FMO1: variants seen among roughly 807,000 people sequenced by gnomAD.
The protein encoded by FMO1 is flavin containing dimethylaniline monoxygenase 1.
Under a neutral mutation model 45.4 loss-of-function variants are expected in FMO1, and 36 were observed. The ratio of observed to expected loss-of-function variants is 0.79; its 90% CI spans 0.61 to 1.05. The LOEUF (loss-of-function observed/expected upper bound fraction) is 1.05. Ranked by LOEUF, FMO1 falls within the 50% of genes least tolerant of loss-of-function variation. FMO1 has a pLI of 0.00. For synonymous variants in FMO1, 228 were observed against 227.2 expected (o/e 1.00, Z -0.03); for missense variants, 615 against 640.3 (o/e 0.96, Z 0.43).
intron 1 of FMO1, among the ~76,000 whole-genome samples, chr1:171,256,200 G>A (rs546397844): frequency 6.2e-5 from 9 of 145,492 alleles, no homozygotes; most frequent in Non-Finnish European, 1.4e-4. Context: ...GTGAACCTAG[G>A]AGGCAGAGCT....
chr1:171,253,757 A>G (rs1660012160), intron 1 of FMO1: 1 of 152,230 alleles, frequency 6.6e-6, no homozygotes, highest in African/African-American at 2.4e-5. Context: ...GTGAAACTCC[A>G]TCTCAAAAAT....
intron 1 of FMO1, among the ~76,000 whole-genome samples, chr1:171,250,808 G>A (rs1659852940): frequency 6.6e-6 from 1 of 151,402 alleles, no homozygotes; most frequent in South Asian, 2.1e-4. Flanking sequence ...TTTATATTTA[G>A]TCAGCTTTAC....
Position 171,274,135 on chromosome 1 carries a change from C to T in FMO1, c.322-1211C>T, listed in dbSNP as rs192954527. Among the ~76,000 whole-genome samples, 1,013 of 135,488 alleles carry T rather than the reference C, an allele frequency of 7.5e-3. 14 individuals are homozygous for T. Among genetic ancestry groups the T allele is most frequent in the African/African-American group, 0.027 (953 of 34,810 alleles). 88.9% of individuals were successfully genotyped at this position (135,488 alleles called of 152,430 possible). On this transcript the variant is annotated intron_variant, in intron 3 of 8. Transcript: ENST00000617670. ...CTGCACTCCAGCCTGGGCAACAGAG[C>T]GAGACTCCATCTCAAAAAAAAAAAA...
At position 171,278,814 on chromosome 1, in the gene FMO1, T is replaced by C. The variant is rs770751927; in HGVS notation, c.570T>C (p.Ile190=). The change falls in exon 5 of 9, where the codon ATT becomes ATC. Residue 190 remains isoleucine (I), a synonymous_variant. Coordinates refer to ENST00000617670, the MANE Select transcript of FMO1 (RefSeq NM_001282693.2). The stretch of plus-strand genomic sequence containing the variant: ...TTAAGGACAAGAGAGTCCTTGTGAT[T>C]GGAATGGGAAATTCTGGCACAGACA... ...DIFKDKRVLV[I]GMGNSGTDIA... is the part of the protein sequence containing the mutation. 7 of 1,613,078 alleles carry C rather than the reference T, an allele frequency of 4.3e-6. No homozygotes were observed. Among genetic ancestry groups the C allele is most frequent in the Middle Eastern group, 3.3e-4 (2 of 6,080 alleles).
In FMO1 at chr1:171,282,292, C is replaced by T. The variant is rs1661393587; in HGVS notation, c.1142C>T (p.Thr381Ile). The T allele has an allele frequency of 6.2e-7, 1 of 1,613,566 alleles. No homozygotes were observed. Among genetic ancestry groups the T allele is most frequent in the Non-Finnish European group, 8.5e-7 (1 of 1,179,684 alleles). ...LIKPLGSMIP[T>I]GETQARWAVR... is the part of the protein sequence containing the mutation. ...AAACCCTTGGGCTCCATGATACCTA[C>T]AGGAGAAACACAAGCTCGGTGGGCT... The change falls in exon 7 of 9, where the codon ACA (threonine) becomes ATA (isoleucine). Residue 381 changes from threonine (T) to isoleucine (I), a missense_variant. Transcript: ENST00000617670.
Position 171,282,310 on chromosome 1 carries a change from G to A in FMO1, c.1160G>A (p.Arg387Gln), listed in dbSNP as rs865952303. ...SMIPTGETQA[R>Q]WAVRVLKGVN... ...ATACCTACAGGAGAAACACAAGCTC[G>A]GTGGGCTGTTCGAGTCCTGAAAGGT... The change falls in exon 7 of 9, where the codon CGG becomes CAG. Residue 387 changes from arginine to glutamine, a missense_variant. By Grantham distance (43) the Arg-to-Gln change is conservative. Coordinates refer to ENST00000617670, the MANE Select transcript of FMO1 (RefSeq NM_001282693.2). 8.1e-6 allele frequency: 13 copies of A among 1,611,484 alleles called. No homozygotes were observed. The highest frequency in any genetic ancestry group is 1.7e-5 in the Admixed American group (1 of 59,836).
At position 171,278,796 on chromosome 1, in the gene FMO1, CA is replaced by C. The variant is rs1230330199; in HGVS notation, c.554del (p.Lys185ArgfsTer5). Reference sequence around the variant, plus strand: ...ATAAGCATCCAGATATATTTAAGGACAAGAGAGTCCTTGTGATTGGAATGGG... The same window carrying C: ...ATAAGCATCCAGATATATTTAAGGACAGAGAGTCCTTGTGATTGGAATGGG... The part of the protein sequence containing the change: ...QYKHPDIFKD[K>X]RVLVIGMGNS... On this transcript the variant is annotated frameshift_variant, in exon 5 of 9. Coordinates refer to ENST00000617670, the MANE Select transcript of FMO1 (RefSeq NM_001282693.2). LOFTEE classifies it high-confidence loss of function. The C allele has an allele frequency of 6.2e-7, 1 of 1,612,694 alleles. No individual in the cohort carries two copies. Among genetic ancestry groups the C allele is most frequent in the Admixed American group, 1.7e-5 (1 of 59,958 alleles).
intron 1 of FMO1, 98 bp from the exon 2 acceptor site, chr1:171,257,984 T>A (rs2101799227): frequency 1.4e-6 from 2 of 1,386,104 alleles, no homozygotes; most frequent in East Asian, 4.6e-5. Context: ...ACTGAGCAAA[T>A]CGCCTAATCT....
chr1:171,280,851 G>A lies in FMO1; in HGVS notation c.693G>A (p.Trp231Ter). The A allele has an allele frequency of 3.7e-6, 6 of 1,613,864 alleles. No homozygotes were observed. The South Asian group carries it at 6.6e-5, about 18-fold the overall frequency. The change falls in exon 6 of 9, where the codon TGG becomes TGA. Residue 231 changes from tryptophan (W) to a stop codon, truncating the protein, a stop_gained. Transcript: ENST00000617670. LOFTEE classifies it high-confidence loss of function. The stretch of plus-strand genomic sequence containing the variant: ...GAATCTTTGACTCGGGCTACCCATG[G>A]GACATGGTGTTCATGACACGCTTTC... ...ISRIFDSGYPWDMVFMTRFQN... is the reference protein window; with the variant it reads ...ISRIFDSGYP
chr1:171,285,343 C>T lies in FMO1; in HGVS notation c.1398C>T (p.Gly466=). 1 of 1,613,990 alleles carries T rather than the reference C, an allele frequency of 6.2e-7. No individual in the cohort carries two copies. Among genetic ancestry groups the T allele is most frequent in the Non-Finnish European group, 8.5e-7 (1 of 1,179,964 alleles). Reference sequence around the variant, plus strand: ...ATCTGGCTCTGACCGTCTTCTTTGGCCCATGCTCACCATACCAGTTCCGCT... The same window carrying T: ...ATCTGGCTCTGACCGTCTTCTTTGGTCCATGCTCACCATACCAGTTCCGCT... ...DPHLALTVFF[G]PCSPYQFRLT... The change falls in exon 9 of 9, where the codon GGC becomes GGT. Residue 466 remains glycine, a synonymous_variant. Coordinates refer to ENST00000617670, the MANE Select transcript of FMO1 (RefSeq NM_001282693.2).
chr1:171,263,892 T>C (rs935319322), intron 2 of FMO1, among the ~76,000 whole-genome samples: 4 of 152,108 alleles, frequency 2.6e-5, no homozygotes, highest in African/African-American at 9.7e-5. Flanking sequence ...AGGGGCCAGG[T>C]CCCACCAATA....
chr1:171,277,025 C>A (rs1481278942), intron 4 of FMO1, among the ~76,000 whole-genome samples: 1 of 152,140 alleles, frequency 6.6e-6, no homozygotes, highest in East Asian at 1.9e-4. Context: ...ACAAATCAAG[C>A]AAGAAGAGCT....
At chr1:171,258,429 A>G (rs532885496) in intron 2 of FMO1, among the ~76,000 whole-genome samples, 3 of 152,320 alleles carry the variant, frequency 2.0e-5, no homozygotes, top group East Asian at 1.9e-4. Flanking sequence ...TGTACACTTT[A>G]TCTAGAGCCA....
chr1:171,283,265 TAAAAAAAAAA>T (rs35331306), intron 8 of FMO1, 49 bp downstream of exon 8: 82 of 74,722 alleles, frequency 1.1e-3, no homozygotes, highest in Middle Eastern at 8.6e-3. Context: ...CTGAAATTGG[TAAAAAAAAAA>T]AAAAAAAAAA....
chr1:171,256,814 A>C (rs965953120), intron 1 of FMO1, among the ~76,000 whole-genome samples: 6 of 152,182 alleles, frequency 3.9e-5, no homozygotes, highest in African/African-American at 1.4e-4. Context: ...TGAAATAAAA[A>C]ATAGCAAATT....
rs181721739 is a variant in FMO1 at position 171,252,589 on chromosome 1, T to C, written c.-7+3966T>C. 1.8e-3 allele frequency among the ~76,000 whole-genome samples: 270 copies of C among 152,352 alleles called. 1 individual carries two copies. Among genetic ancestry groups the C allele is most frequent in the African/African-American group, 6.3e-3 (261 of 41,588 alleles). Reference sequence around the variant, plus strand: ...TTCCATGGCTGAGAGTCGGTGATGCTGCCTCTGCCTTCTGATGCTGAACTG... The same window carrying C: ...TTCCATGGCTGAGAGTCGGTGATGCCGCCTCTGCCTTCTGATGCTGAACTG... On this transcript the variant is annotated intron_variant, in intron 1 of 8. Coordinates refer to ENST00000617670, the MANE Select transcript of FMO1 (RefSeq NM_001282693.2).
intron 3 of FMO1, among the ~76,000 whole-genome samples, chr1:171,273,211 C>T (rs1195107037): frequency 6.6e-6 from 1 of 152,148 alleles, no homozygotes; most frequent in African/African-American, 2.4e-5. Context: ...TTTGCTCCTG[C>T]CATGATTGTG....
chr1:171,248,931 T>TG (rs1659750767), intron 1 of FMO1, among the ~76,000 whole-genome samples: 1 of 149,112 alleles, frequency 6.7e-6, no homozygotes, highest in Non-Finnish European at 1.5e-5. Flanking sequence ...TTGAATCAAA[T>TG]GGGAAAAACT....
chr1:171,283,208 GC>G lies in FMO1; in HGVS notation c.1251del (p.Ser418ValfsTer19). 2 of 1,278,248 alleles carry G rather than the reference GC, an allele frequency of 1.6e-6. No individual in the cohort carries two copies. Among genetic ancestry groups the G allele is most frequent in the South Asian group, 1.3e-5 (1 of 78,554 alleles). The allele number at this position is 1,278,248 out of a possible 1,614,324, so 79.2% of individuals were successfully genotyped here. On this transcript the variant is annotated frameshift_variant, in exon 8 of 9. Transcript: ENST00000617670. LOFTEE classifies it low-confidence loss of function (END_TRUNC). ...EEINARKENK[P>X]SWFGLCYCKA... ...AAATTAATGCAAGGAAAGAAAACAAGCCCAGTTGGTAAGTTAACTACTTAAT... is the reference window on the plus strand; with the variant it reads ...AAATTAATGCAAGGAAAGAAAACAAGCCAGTTGGTAAGTTAACTACTTAAT...
Sources: gnomAD v4.1 joint callset for allele counts (sites outside exome capture counted in the v4.1 genomes callset) on GRCh38, gnomAD v4.1.1 for gene constraint, MANE v1.5 for transcripts, NCBI Gene and HGNC (gene_info 2026-07-23, HGNC 2026-07-21) for gene names.